Variants in VPS13D observed in about 807,000 individuals in gnomAD.
The protein encoded by VPS13D is intermembrane lipid transfer protein VPS13D.
In VPS13D, 187 loss-of-function variants were observed where a neutral mutation model predicts 461.9. The observed-to-expected ratio is 0.40, with a 90% CI of 0.36 to 0.46. The LOEUF is 0.46. Among genes scored for constraint, VPS13D ranks in the 20% least tolerant of loss-of-function variants. VPS13D has a pLI of 0.60. For synonymous variants in VPS13D, 1,951 were observed against 1,986.3 expected (o/e 0.98, Z 0.47); for missense variants, 4,711 against 5,364.9 (o/e 0.88, Z 3.81).
intron 26 of VPS13D, among the ~76,000 whole-genome samples, chr1:12,307,796 G>A (rs144300391): frequency 7.9e-4 from 121 of 152,272 alleles, no homozygotes; most frequent in African/African-American, 2.8e-3. Context: ...CCGGCTTACA[G>A]AAAGAATTTT....
chr1:12,307,537 A>G (rs1399067449), intron 26 of VPS13D, among the ~76,000 whole-genome samples: 1 of 152,170 alleles, frequency 6.6e-6, no homozygotes, highest in Non-Finnish European at 1.5e-5. Context: ...TGTTCTGCCC[A>G]GGCTGGAGTG....
intron 63 of VPS13D, among the ~76,000 whole-genome samples, chr1:12,410,772 A>G (rs1040479440): frequency 8.5e-5 from 13 of 152,238 alleles, no homozygotes; most frequent in Admixed American, 3.3e-4. Context: ...TAAGAAGGCT[A>G]ATATAACCAA....
chr1:12,296,380 C>T (rs1642276833), intron 24 of VPS13D, among the ~76,000 whole-genome samples: 1 of 152,184 alleles, frequency 6.6e-6, no homozygotes, highest in Non-Finnish European at 1.5e-5. Flanking sequence ...TTATGGTCTG[C>T]ATATGCTTTT....
rs368722200 is a variant in VPS13D at position 12,277,567 on chromosome 1, A to C, written c.3979A>C (p.Thr1327Pro). 1 of 1,614,006 alleles carries C rather than the reference A, an allele frequency of 6.2e-7. No individual in the cohort carries two copies. The highest frequency in any genetic ancestry group is 8.5e-7 in the Non-Finnish European group (1 of 1,180,026). The change falls in exon 19 of 70, where the codon ACA becomes CCA. Residue 1327 changes from threonine to proline, a missense_variant. This residue lies in a region of VPS13D where 4,411 missense variants were observed against 4,937.8 expected (regional missense o/e 0.89). Transcript: ENST00000620676. ...MLKSAATKVT[T>P]VLATKTAEYS... Reference sequence around the variant, plus strand: ...GAAAAGCGCAGCCACCAAAGTCACCACAGTACTAGCTACCAAGACTGCCGA... The same window carrying C: ...GAAAAGCGCAGCCACCAAAGTCACCCCAGTACTAGCTACCAAGACTGCCGA...
At chr1:12,454,780 G>C (rs892075766) in intron 65 of VPS13D, among the ~76,000 whole-genome samples, 4 of 152,242 alleles carry the variant, frequency 2.6e-5, no homozygotes, top group Admixed American at 6.5e-5. Flanking sequence ...AGCTTGCCTT[G>C]AGGCTTTCCC....
chr1:12,315,126 A>G (rs1642855204), intron 30 of VPS13D, among the ~76,000 whole-genome samples: 1 of 152,248 alleles, frequency 6.6e-6, no homozygotes, highest in African/African-American at 2.4e-5. Context: ...GGCCTGGTCT[A>G]AAGAAGTCTT....
intron 24 of VPS13D, among the ~76,000 whole-genome samples, chr1:12,294,949 G>C (rs139547255): frequency 6.6e-6 from 1 of 151,992 alleles, no homozygotes; most frequent in Admixed American, 6.6e-5. Context: ...ATGGCCAGGC[G>C]TGGTGGCTCA....
At chr1:12,443,854 T>C (rs1279287290) in intron 65 of VPS13D, among the ~76,000 whole-genome samples, 1 of 151,920 alleles carries the variant, frequency 6.6e-6, no homozygotes, top group African/African-American at 2.4e-5. Context: ...TTTTTCTTTT[T>C]TTTTTTTTCT....
At chr1:12,236,954 T>C (rs1640167490) in intron 2 of VPS13D, among the ~76,000 whole-genome samples, 1 of 152,126 alleles carries the variant, frequency 6.6e-6, no homozygotes, top group Non-Finnish European at 1.5e-5. Flanking sequence ...GAGCTGTTCT[T>C]GGCATATTGT....
At chr1:12,235,024 C>T (rs866304872) in intron 2 of VPS13D, among the ~76,000 whole-genome samples, 9 of 152,346 alleles carry the variant, frequency 5.9e-5, no homozygotes, top group African/African-American at 2.2e-4. Flanking sequence ...ACTGCATTTT[C>T]TCCCTTTCCT....
Position 12,335,693 on chromosome 1 carries a change from GA to G in VPS13D, c.8429-11del. ...TTTAGTTCTCTTAATATCTCTGGGGGATTCTTTCTAGACCAGTATGTAAGTA... is the reference window on the plus strand; with the variant it reads ...TTTAGTTCTCTTAATATCTCTGGGGGTTCTTTCTAGACCAGTATGTAAGTA... On this transcript the variant is annotated splice_polypyrimidine_tract_variant and intron_variant, in intron 38 of 69. Coordinates refer to ENST00000620676, the MANE Select transcript of VPS13D (RefSeq NM_015378.4). 2 of 1,598,658 alleles carry G rather than the reference GA, an allele frequency of 1.3e-6. No individual in the cohort carries two copies. Among genetic ancestry groups the G allele is most frequent in the South Asian group, 2.3e-5 (2 of 88,774 alleles).
chr1:12,276,343 C>T lies in VPS13D; in HGVS notation c.2755C>T (p.Pro919Ser). 6.2e-7 allele frequency: 1 copy of T among 1,614,136 alleles called. No individual in the cohort carries two copies. The highest frequency in any genetic ancestry group is 1.1e-5 in the South Asian group (1 of 91,076). Reference protein sequence around the residue: ...SDTQIKEKIFPQEEQRGSLQD... With the variant: ...SDTQIKEKIFSQEEQRGSLQD... ...CACTCAGATTAAAGAAAAGATTTTT[C>T]CCCAGGAGGAGCAGCGGGGAAGTTT... is the stretch of plus-strand genomic sequence containing the variant. The change falls in exon 19 of 70, where the codon CCC (proline) becomes TCC (serine). Residue 919 changes from proline to serine, a missense_variant. By Grantham distance (74) the Pro-to-Ser change is moderately conservative. Coordinates refer to ENST00000620676, the MANE Select transcript of VPS13D (RefSeq NM_015378.4). The surrounding 1 kb of genome is among the most constrained non-coding windows in gnomAD (Gnocchi z 4.5).
chr1:12,333,074 C>T (rs1643370610), intron 37 of VPS13D, 152 bp from the exon 38 acceptor site: 1 of 875,228 alleles, frequency 1.1e-6, no homozygotes, highest in Non-Finnish European at 1.7e-6. Context: ...TGACCTGTAG[C>T]TAAAGGTGGT....
At chr1:12,266,108 T>C (rs2101311029) in intron 13 of VPS13D, among the ~76,000 whole-genome samples, 1 of 152,262 alleles carries the variant, frequency 6.6e-6, no homozygotes, top group East Asian at 1.9e-4. Flanking sequence ...GAAGTTACAG[T>C]GAGCTATGAT....
rs768003876 is a variant in VPS13D, at chr1:12,508,874, A to G, written c.13036-19A>G. 7 of 1,612,550 alleles carry G rather than the reference A, an allele frequency of 4.3e-6. 1 individual carries two copies. Among genetic ancestry groups the G allele is most frequent in the Admixed American group, 1.7e-5 (1 of 59,834 alleles). Reference sequence around the variant, plus strand: ...TCCCCATCCTGGGGACAGGTGACCCATCCTGTTCTCCTCCTTAGGTCCATG... The same window carrying G: ...TCCCCATCCTGGGGACAGGTGACCCGTCCTGTTCTCCTCCTTAGGTCCATG... On this transcript the variant is annotated intron_variant, in intron 69 of 69. Transcript: ENST00000620676.
At chr1:12,450,048 A>T (rs1451026446) in intron 65 of VPS13D, among the ~76,000 whole-genome samples, 1 of 152,140 alleles carries the variant, frequency 6.6e-6, no homozygotes, top group Non-Finnish European at 1.5e-5. Context: ...GCTTGAACCC[A>T]GGAGGTGGAG....
At chr1:12,387,365 A>G (rs1644363215) in intron 60 of VPS13D, among the ~76,000 whole-genome samples, 1 of 152,258 alleles carries the variant, frequency 6.6e-6, no homozygotes, top group African/African-American at 2.4e-5. Flanking sequence ...TTTAGCACCC[A>G]ACAAGGTAAA....
chr1:12,353,559 A>G (rs1373203610), intron 46 of VPS13D, among the ~76,000 whole-genome samples: 1 of 149,582 alleles, frequency 6.7e-6, no homozygotes, highest in East Asian at 1.9e-4. Flanking sequence ...AAAAAAAACC[A>G]GACATAAAGA....
intron 67 of VPS13D, among the ~76,000 whole-genome samples, chr1:12,467,434 T>G (rs896795871): frequency 1.3e-5 from 2 of 152,226 alleles, no homozygotes; most frequent in Non-Finnish European, 2.9e-5. Context: ...CCTTTCAAAG[T>G]GTTGGGATTA....
Sources: allele counts gnomAD v4.1 joint callset (sites outside exome capture counted in the v4.1 genomes callset), GRCh38; gene constraint gnomAD v4.1.1; regional missense constraint gnomAD v4.1.1; non-coding constraint Gnocchi (gnomAD v3.1); transcripts MANE v1.5; gene names NCBI Gene and HGNC (gene_info 2026-07-23, HGNC 2026-07-21).